MYO19: variants seen among roughly 807,000 people sequenced by gnomAD.
MYO19 encodes myosin XIX.
Under a neutral mutation model 129.2 loss-of-function variants are expected in MYO19, and 132 were observed. The ratio of observed to expected loss-of-function variants is 1.02; its 90% CI spans 0.89 to 1.18. MYO19 has a LOEUF of 1.18. Among genes scored for constraint, MYO19 ranks in the 50% most tolerant of loss-of-function variants. The probability of loss-of-function intolerance (pLI) is 0.00; values close to 1 mark genes in which losing one functional copy is unlikely to be tolerated. For missense variants in MYO19, 1,210 were observed against 1,216.7 expected (o/e 0.99, Z 0.08); for synonymous variants, 531 against 477.2 (o/e 1.11, Z -1.47).
upstream of MYO19, chr17:36,537,103 T>C: frequency 6.3e-7 from 1 of 1,580,964 alleles, no homozygotes; most frequent in Non-Finnish European, 8.6e-7. Flanking sequence ...GGAAGAAAAA[T>C]GTCTGAAAAG....
chr17:36,507,735 G>C (rs533419356), intron 15 of MYO19, 68 bp downstream of exon 15: 1 of 1,495,092 alleles, frequency 6.7e-7, no homozygotes, highest in African/African-American at 1.4e-5. Flanking sequence ...CTGGACTGGG[G>C]CTGGAAGGTC....
At chr17:36,501,741 A>C (rs1212654697) in intron 21 of MYO19, 2 of 152,690 alleles carry the variant, frequency 1.3e-5, no homozygotes, top group African/African-American at 2.4e-5. Context: ...GCAAATAAAA[A>C]GAATAAATTA....
At chr17:36,505,685 C>T (rs991423071) in intron 18 of MYO19, among the ~76,000 whole-genome samples, 1 of 152,204 alleles carries the variant, frequency 6.6e-6, no homozygotes, top group African/African-American at 2.4e-5. Context: ...CCTCCTCTTT[C>T]CCCTCCCCAC....
Position 36,499,123 on chromosome 17 carries a change from C to T in MYO19, c.2415G>A (p.Arg805=). The change falls in exon 24 of 26, where the codon AGG becomes AGA. Residue 805 remains arginine (R), a synonymous_variant. Coordinates refer to ENST00000614623, the MANE Select transcript of MYO19 (RefSeq NM_001163735.2). ...TGATGACTGTGGCAGCTGCATGCAG[C>T]CTCTGGATGTGTTTCCGAGTTAACC... ...RSWLTRKHIQ[R]LHAAATVIKR... is the part of the protein sequence containing the mutation. 6.2e-7 allele frequency: 1 copy of T among 1,610,230 alleles called. No individual in the cohort carries two copies. Among genetic ancestry groups the T allele is most frequent in the East Asian group, 2.2e-5 (1 of 44,798 alleles).
intron 3 of MYO19, among the ~76,000 whole-genome samples, chr17:36,531,947 G>A (rs1204184013): frequency 6.6e-6 from 1 of 152,212 alleles, no homozygotes; most frequent in Non-Finnish European, 1.5e-5. Flanking sequence ...GATGATATGG[G>A]TATGAGAGAG....
At chr17:36,526,347 T>G (rs561259819) in intron 5 of MYO19, among the ~76,000 whole-genome samples, 1 of 152,144 alleles carries the variant, frequency 6.6e-6, no homozygotes, top group Non-Finnish European at 1.5e-5. Flanking sequence ...CTCGTCTTCC[T>G]GCTCTCATCT....
At chr17:36,524,292 T>G (rs2073326828) in intron 6 of MYO19, among the ~76,000 whole-genome samples, 2 of 152,190 alleles carry the variant, frequency 1.3e-5, no homozygotes, top group South Asian at 2.1e-4. Context: ...AAGCTACATG[T>G]TGCATTTTTC....
At chr17:36,533,033 G>T (rs893834053) in intron 2 of MYO19, 127 of 159,826 alleles carry the variant, frequency 7.9e-4, no homozygotes, top group Non-Finnish European at 1.2e-3. Flanking sequence ...TCGTTGGTGA[G>T]GAGGAGAGGC....
intron 2 of MYO19, chr17:36,533,298 G>A (rs1459175753): frequency 6.6e-6 from 1 of 152,208 alleles, no homozygotes; most frequent in African/African-American, 2.4e-5. Flanking sequence ...TACGACTAAG[G>A]GTTGATGATC....
chr17:36,516,520 GCCA>G (rs2072761406), intron 6 of MYO19, among the ~76,000 whole-genome samples: 1 of 152,074 alleles, frequency 6.6e-6, no homozygotes, highest in Non-Finnish European at 1.5e-5. Flanking sequence ...ACAGGCGCAC[GCCA>G]CCACGCCTGG....
chr17:36,532,467 G>T, intron 3 of MYO19, 60 bp downstream of exon 3: 1 of 1,547,852 alleles, frequency 6.5e-7, no homozygotes, highest in Non-Finnish European at 8.7e-7. Flanking sequence ...TCCAGGTTAG[G>T]GCTAGCAACA....
At chr17:36,510,620 G>A (rs1452055475) in intron 13 of MYO19, 126 bp downstream of exon 13, 7 of 1,056,266 alleles carry the variant, frequency 6.6e-6, no homozygotes, top group Non-Finnish European at 9.4e-6. Context: ...AGCAGGGAGA[G>A]GAACCAGTCT....
At chr17:36,514,326 G>T in intron 9 of MYO19, 120 bp downstream of exon 9, 1 of 706,518 alleles carries the variant, frequency 1.4e-6, no homozygotes, top group Non-Finnish European at 2.6e-6. Context: ...TAAAGTGGTG[G>T]CTCCATCAAA....
Position 36,507,881 on chromosome 17 carries a change from A to G in MYO19, c.1275T>C (p.Ser425=), listed in dbSNP as rs987640625. 6.2e-7 allele frequency: 1 copy of G among 1,613,012 alleles called. No individual in the cohort carries two copies. The highest frequency in any genetic ancestry group is 1.7e-5 in the Admixed American group (1 of 59,924). ...CGTAGTTGATGCACAACTGTTCCAG[A>G]CTGTTGTCAGGAAATGATTCAAATC... ...VYGFESFPDN[S]LEQLCINYAN... Residue 425 remains serine (S), a synonymous_variant, in exon 15 of 26, where the codon AGT becomes AGC. Transcript: ENST00000614623.
intron 9 of MYO19, among the ~76,000 whole-genome samples, chr17:36,513,949 C>A (rs566732187): frequency 1.3e-5 from 2 of 152,306 alleles, no homozygotes; most frequent in East Asian, 1.9e-4. Flanking sequence ...GGGAAACCTG[C>A]AGTCTGGTGA....
chr17:36,507,050 A>G lies in MYO19; in HGVS notation c.1557T>C (p.Asn519=). The G allele has an allele frequency of 6.2e-7, 1 of 1,613,568 alleles. No individual in the cohort carries two copies. Among genetic ancestry groups the G allele is most frequent in the African/African-American group, 1.3e-5 (1 of 75,012 alleles). Residue 519 remains asparagine (N), a synonymous_variant, in exon 17 of 26, where the codon AAT becomes AAC. Transcript: ENST00000614623. ...TGAAGCTGGGCTCCCGGCTGAGCTTATTGTGGCCCAGGCAGGGGCTGCCTG... is the reference window on the plus strand; with the variant it reads ...TGAAGCTGGGCTCCCGGCTGAGCTTGTTGTGGCCCAGGCAGGGGCTGCCTG... ...ALAGSPCLGH[N]KLSREPSFIV...
rs1444030700 is a variant in MYO19, at chr17:36,507,134, G to A, written c.1473C>T (p.Cys491=). The A allele has an allele frequency of 3.7e-6, 6 of 1,600,140 alleles. No individual in the cohort carries two copies. Among genetic ancestry groups the A allele is most frequent in the Non-Finnish European group, 3.4e-6 (4 of 1,169,490 alleles). The change falls in exon 17 of 26, where the codon TGC becomes TGT. Residue 491 remains cysteine (C), a synonymous_variant. Transcript: ENST00000614623. ...CTGCGCTGCTGGGTCGATTGAGGCG[G>A]CATTCCTGTGGGATGGGAACAGGGG... is the stretch of plus-strand genomic sequence containing the variant. The part of the protein sequence containing the change: ...ISICSLINEE[C]RLNRPSSAAQ...
rs1466775985 is a variant in MYO19, at chr17:36,511,459, G to A, written c.895-4C>T. ...GGTGCAGCAGTCCAGCTAGGACCTG[G>A]GGGAAAGAAAAGGATGGGTGGGAGT... On this transcript the variant is annotated splice_region_variant and splice_polypyrimidine_tract_variant and intron_variant, in intron 11 of 25. Transcript: ENST00000614623. The A allele has an allele frequency of 2.6e-6, 4 of 1,557,102 alleles. No individual in the cohort carries two copies. The highest frequency in any genetic ancestry group is 2.4e-5 in the East Asian group (1 of 41,288).
intron 3 of MYO19, among the ~76,000 whole-genome samples, chr17:36,529,424 G>A (rs934811405): frequency 6.6e-6 from 1 of 152,194 alleles, no homozygotes; most frequent in Non-Finnish European, 1.5e-5. Context: ...GGGGGTTGAA[G>A]ACAGGTATCT....
Sources: allele counts gnomAD v4.1 joint callset (sites outside exome capture counted in the v4.1 genomes callset), GRCh38; gene constraint gnomAD v4.1.1; transcripts MANE v1.5; gene names NCBI Gene and HGNC (gene_info 2026-07-23, HGNC 2026-07-21).